CACNA1C: variants seen among roughly 807,000 people sequenced by gnomAD.
CACNA1C encodes voltage-dependent L-type calcium channel subunit alpha-1C.
CACNA1C carries 30 observed loss-of-function variants against 229.0 expected under a neutral mutation model. The observed-to-expected ratio is 0.13, with a 90% confidence interval of 0.10 to 0.18. The LOEUF (loss-of-function observed/expected upper bound fraction) is 0.18. Ranked by LOEUF, CACNA1C falls within the 10% of genes least tolerant of loss-of-function variation. CACNA1C has a pLI of 1.00. For synonymous variants in CACNA1C, 1,114 were observed against 1,132.5 expected (o/e 0.98, Z 0.33); for missense variants, 1,658 against 2,845.0 (o/e 0.58, Z 9.49).
chr12:1,973,058 G>A (rs1054069851), intron 1 of CACNA1C, among the ~76,000 whole-genome samples: 25 of 152,330 alleles, frequency 1.6e-4, no homozygotes, highest in African/African-American at 5.5e-4. Context: ...CCTCCGGCAT[G>A]TTCTCTAATG....
intron 29 of CACNA1C, among the ~76,000 whole-genome samples, chr12:2,616,825 G>T (rs1365971715): frequency 6.6e-6 from 1 of 152,246 alleles, no homozygotes; most frequent in Non-Finnish European, 1.5e-5. Flanking sequence ...CACTTCCGAA[G>T]TGGAGGCAGC....
At position 2,354,133 on chromosome 12, in the gene CACNA1C, G is replaced by A. The variant is rs115184516; in HGVS notation, c.478-94843G>A. On this transcript the variant is annotated intron_variant, in intron 3 of 46. Transcript: ENST00000399655. This position sits in a 1 kb window ranked among gnomAD's most constrained non-coding sequence, Gnocchi z 4.6. ...TGATGGGGATGGAGTGGGGGCTGTC[G>A]GGAAGGACTGGATGGAGTCTGTTTT... Among the ~76,000 whole-genome samples, 6,622 of 152,160 alleles carry A rather than the reference G, an allele frequency of 0.044. 461 individuals carry two copies. The highest frequency in any genetic ancestry group is 0.15 in the African/African-American group (6,258 of 41,484).
chr12:2,004,243 C>A, intron 1 of CACNA1C: 2 of 1,610,710 alleles, frequency 1.2e-6, no homozygotes, highest in Non-Finnish European at 1.7e-6. Flanking sequence ...GCCTCCACCC[C>A]AACCCTGGGC....
At chr12:2,345,404 G>A (rs1210781863) in intron 3 of CACNA1C, among the ~76,000 whole-genome samples, 1 of 152,084 alleles carries the variant, frequency 6.6e-6, no homozygotes, top group African/African-American at 2.4e-5. Context: ...TGAGCATAGG[G>A]CAGTGGCCAC....
In CACNA1C at chr12:2,098,043, G is replaced by A. The variant is rs190070627; in HGVS notation, c.50-17181G>A. Among the ~76,000 whole-genome samples, 20 of 152,350 alleles carry A rather than the reference G, an allele frequency of 1.3e-4. No homozygotes were observed. The East Asian group carries it at 1.3e-3, about 10-fold the overall frequency. ...AGAGATTGAGAGCCAGAGAAGGAAC[G>A]TGATTTGTCTGAGTGCGCAGAGCAA... is the stretch of plus-strand genomic sequence containing the variant. On this transcript the variant is annotated intron_variant, in intron 1 of 46. Coordinates refer to ENST00000399655, the MANE Select transcript of CACNA1C (RefSeq NM_000719.7).
intron 1 of CACNA1C, among the ~76,000 whole-genome samples, chr12:2,020,903 C>A (rs2046327895): frequency 1.3e-5 from 2 of 152,140 alleles, no homozygotes; most frequent in Non-Finnish European, 2.9e-5. Flanking sequence ...AAAGTTCTTC[C>A]CTGTATGGAA....
chr12:2,100,243 C>T (rs1232141339), intron 1 of CACNA1C, among the ~76,000 whole-genome samples: 6 of 151,684 alleles, frequency 4.0e-5, no homozygotes, highest in South Asian at 2.1e-4. Context: ...GTCAGGACTT[C>T]GAGACCAGCC....
chr12:2,457,316 G>A (rs969098280), intron 4 of CACNA1C, among the ~76,000 whole-genome samples: 3 of 152,188 alleles, frequency 2.0e-5, no homozygotes, highest in African/African-American at 4.8e-5. Context: ...CTTTATGACG[G>A]CAGAGGGCCT....
chr12:2,332,062 A>C (rs553362938), intron 3 of CACNA1C, among the ~76,000 whole-genome samples: 5 of 152,350 alleles, frequency 3.3e-5, no homozygotes, highest in African/African-American at 1.2e-4. Context: ...TATTTTGCTC[A>C]TCACAGTATA....
chr12:2,305,678 T>C (rs1220772590), intron 3 of CACNA1C, among the ~76,000 whole-genome samples: 1 of 152,156 alleles, frequency 6.6e-6, no homozygotes, highest in East Asian at 1.9e-4. Flanking sequence ...ACCCCATTGC[T>C]TAAAAAATTT....
At chr12:2,312,560 G>A (rs1019093665) in intron 3 of CACNA1C, among the ~76,000 whole-genome samples, 1 of 152,106 alleles carries the variant, frequency 6.6e-6, no homozygotes, top group Non-Finnish European at 1.5e-5. Context: ...CTTCTCTTCA[G>A]TTTCTTCCTC....
At chr12:2,562,881 C>G (rs868403965) in intron 11 of CACNA1C, among the ~76,000 whole-genome samples, 22 of 152,352 alleles carry the variant, frequency 1.4e-4, no homozygotes, top group Non-Finnish European at 2.4e-4. Flanking sequence ...GTATTACGAA[C>G]ATTCCAATTC....
Position 2,346,691 on chromosome 12 carries a change from C to G in CACNA1C, c.478-102285C>G, listed in dbSNP as rs914419441. On this transcript the variant is annotated intron_variant, in intron 3 of 46. Coordinates refer to ENST00000399655, the MANE Select transcript of CACNA1C (RefSeq NM_000719.7). The surrounding 1 kb of genome is among the most constrained non-coding windows in gnomAD (Gnocchi z 4.4). Reference sequence around the variant, plus strand: ...AAGTACAGGCTTTGCCAGGGCTTAGCAGGGGGAATTGGAAGGCCTTAAAAG... The same window carrying G: ...AAGTACAGGCTTTGCCAGGGCTTAGGAGGGGGAATTGGAAGGCCTTAAAAG... 6.6e-6 allele frequency among the ~76,000 whole-genome samples: 1 copy of G among 152,116 alleles called. No individual in the cohort carries two copies. Among genetic ancestry groups the G allele is most frequent in the African/African-American group, 2.4e-5 (1 of 41,404 alleles).
intron 3 of CACNA1C, among the ~76,000 whole-genome samples, chr12:2,195,414 G>C (rs1441484407): frequency 1.3e-5 from 2 of 152,206 alleles, no homozygotes; most frequent in African/African-American, 4.8e-5. Context: ...CTGGGCCTCA[G>C]TTTCTCCTGT....
At chr12:2,572,131 C>T (rs1251638463) in intron 13 of CACNA1C, among the ~76,000 whole-genome samples, 1 of 149,486 alleles carries the variant, frequency 6.7e-6, no homozygotes, top group Admixed American at 6.7e-5. Flanking sequence ...TTAAGGAGCT[C>T]ATCTCTAGAG....
At chr12:2,246,324 G>C (rs559517397) in intron 3 of CACNA1C, among the ~76,000 whole-genome samples, 1 of 152,270 alleles carries the variant, frequency 6.6e-6, no homozygotes, top group Non-Finnish European at 1.5e-5. Context: ...CTGTAGATCG[G>C]GGGCCGAGGC....
At chr12:2,535,704 T>TAAAAAAAAAAAAAAAAAAAAAAAA (rs758857733) in intron 9 of CACNA1C, among the ~76,000 whole-genome samples, 5 of 36,562 alleles carry the variant, frequency 1.4e-4, no homozygotes, top group African/African-American at 1.8e-4. Context: ...AGACCCTGTC[T>TAAAAAAAAAAAAAAAAAAAAAAAA]AAAAAAAAAA....
rs145443363 is a variant in CACNA1C at position 2,488,924 on chromosome 12, A to C, written c.916+2662A>C. Among the ~76,000 whole-genome samples the C allele has an allele frequency of 6.6e-6, 1 of 152,246 alleles. No homozygotes were observed. The highest frequency in any genetic ancestry group is 1.5e-5 in the Non-Finnish European group (1 of 68,032). On this transcript the variant is annotated intron_variant, in intron 6 of 46. Transcript: ENST00000399655. This position sits in a 1 kb window ranked among gnomAD's most constrained non-coding sequence, Gnocchi z 4.0. ...CTTAGCACAACACGATGCCGCTGCT[A>C]TCAAGCCCTTGTCCACCCACAGAGT...
At chr12:2,457,289 G>A (rs1596873170) in intron 4 of CACNA1C, among the ~76,000 whole-genome samples, 2 of 152,224 alleles carry the variant, frequency 1.3e-5, no homozygotes, top group South Asian at 2.1e-4. Flanking sequence ...TTTGTCCAGC[G>A]CTTGTCCAGC....
Sources: allele counts gnomAD v4.1 joint callset (sites outside exome capture counted in the v4.1 genomes callset), GRCh38; gene constraint gnomAD v4.1.1; non-coding constraint Gnocchi (gnomAD v3.1); transcripts MANE v1.5; gene names NCBI Gene and HGNC (gene_info 2026-07-23, HGNC 2026-07-21).